The following TMEM272 variants were observed in gnomAD, a reference collection of about 807,000 sequenced individuals.
TMEM272 encodes long intergenic non-protein coding RNA 282.
TMEM272 carries 8 observed loss-of-function variants against 3.7 expected under a neutral mutation model. The ratio of observed to expected loss-of-function variants is 2.17; its 90% confidence interval spans 1.27 to 3.91. The LOEUF is 3.91. Among genes scored for constraint, TMEM272 ranks in the 30% most tolerant of loss-of-function variants. The probability of loss-of-function intolerance (pLI) is 0.00; values close to 1 mark genes in which losing one functional copy is unlikely to be tolerated. For missense variants in TMEM272, 166 were observed against 91.5 expected, an observed-to-expected ratio of 1.81 and a Z score of -3.32; for synonymous variants, 63 against 39.8, an observed-to-expected ratio of 1.58 and a Z score of -2.20.
chr13:51,931,733 A>T, the TMEM272 span, among the ~76,000 whole-genome samples: 12 of 152,306 alleles, frequency 7.9e-5, no homozygotes, highest in African/African-American at 2.9e-4. Context: ...CATGCACACA[A>T]CATGAAATTT....
chr13:51,851,138 C>A, the TMEM272 span, among the ~76,000 whole-genome samples: 3 of 152,036 alleles, frequency 2.0e-5, no homozygotes, highest in African/African-American at 7.2e-5. Context: ...AGTTTGAGAC[C>A]AGCTGGGCAA....
chr13:51,865,815 A>G, the TMEM272 span: 1 of 1,614,092 alleles, frequency 6.2e-7, no homozygotes, highest in African/African-American at 1.3e-5. Context: ...TGGGAAAGAG[A>G]CCGGAACCTT....
At chr13:51,826,709 C>T in intron 2 of TMEM272, 84 bp from the exon 3 acceptor site, 1 of 691,268 alleles carries the variant, frequency 1.4e-6, no homozygotes, top group South Asian at 1.5e-5. Context: ...CTTAAGCATC[C>T]TGTGAAACCT....
At chr13:51,931,060 C>T in the TMEM272 span, among the ~76,000 whole-genome samples, 6 of 152,060 alleles carry the variant, frequency 3.9e-5, no homozygotes, top group Admixed American at 2.0e-4. Context: ...ATTTGGAATG[C>T]TGTGATTTAT....
chr13:51,928,436 G>T, the TMEM272 span, among the ~76,000 whole-genome samples: 1 of 152,204 alleles, frequency 6.6e-6, no homozygotes, highest in Non-Finnish European at 1.5e-5. Flanking sequence ...CTGTGAGACA[G>T]GAACTATTAT....
chr13:51,882,503 GT>G, the TMEM272 span, among the ~76,000 whole-genome samples: 1 of 152,150 alleles, frequency 6.6e-6, no homozygotes, highest in Admixed American at 6.5e-5. Flanking sequence ...ATACCAAAGC[GT>G]GGTCACAATA....
At chr13:51,920,426 C>T in the TMEM272 span, among the ~76,000 whole-genome samples, 1 of 152,204 alleles carries the variant, frequency 6.6e-6, no homozygotes, top group African/African-American at 2.4e-5. Context: ...CACTCCCCTA[C>T]AATCCACTCA....
intron 1 of TMEM272, among the ~76,000 whole-genome samples, chr13:51,841,874 G>A (rs75834028): frequency 1.8e-4 from 28 of 152,276 alleles, no homozygotes; most frequent in Non-Finnish European, 3.7e-4. Context: ...ATTCTGTCAC[G>A]CCTTAAAGAA....
At chr13:51,878,922 C>T in the TMEM272 span, among the ~76,000 whole-genome samples, 1 of 152,168 alleles carries the variant, frequency 6.6e-6, no homozygotes, top group Admixed American at 6.5e-5. Flanking sequence ...CATGGTTTTG[C>T]TCTCAGTTCT....
chr13:51,862,003 T>G, the TMEM272 span: 1 of 152,264 alleles, frequency 6.6e-6, no homozygotes, highest in Non-Finnish European at 1.5e-5. Context: ...GAAGAGGAAC[T>G]CTTTCAAACC....
the TMEM272 span, among the ~76,000 whole-genome samples, chr13:51,923,369 G>C: frequency 4.6e-5 from 7 of 152,196 alleles, no homozygotes; most frequent in African/African-American, 1.7e-4. Context: ...GACCTGACAG[G>C]CTTCACTGCC....
chr13:51,839,800 C>T (rs1024839407), intron 1 of TMEM272, among the ~76,000 whole-genome samples: 1 of 152,214 alleles, frequency 6.6e-6, no homozygotes, highest in African/African-American at 2.4e-5. Flanking sequence ...CAGGCAGGAG[C>T]CATGCAGCCC....
the TMEM272 span, among the ~76,000 whole-genome samples, chr13:51,870,252 G>T: frequency 4.0e-5 from 6 of 151,654 alleles, no homozygotes; most frequent in African/African-American, 1.5e-4. Flanking sequence ...AAGTTCTTTG[G>T]TTTTTTTTGT....
chr13:51,847,819 CA>C (rs1262468117), upstream of TMEM272, among the ~76,000 whole-genome samples: 1 of 152,098 alleles, frequency 6.6e-6, no homozygotes, highest in Non-Finnish European at 1.5e-5. Context: ...TCAAAACAAA[CA>C]AAATTTCAGG....
chr13:51,872,553 A>C, the TMEM272 span, among the ~76,000 whole-genome samples: 56,842 of 152,062 alleles, frequency 0.37, 10,930 homozygotes, highest in African/African-American at 0.45. Context: ...GAAAGGGCTC[A>C]TGAGTGCCCA....
chr13:51,886,177 T>A, the TMEM272 span, among the ~76,000 whole-genome samples: 1 of 152,164 alleles, frequency 6.6e-6, no homozygotes, highest in Non-Finnish European at 1.5e-5. Flanking sequence ...GAGAAGAGAC[T>A]AAGATTAATG....
At chr13:51,838,914 A>C in intron 1 of TMEM272, among the ~76,000 whole-genome samples, 1 of 152,140 alleles carries the variant, frequency 6.6e-6, no homozygotes. Context: ...ATCCCACAAC[A>C]ATCCTATCTG....
the TMEM272 span, chr13:51,865,267 C>A: frequency 1.2e-6 from 1 of 827,160 alleles, no homozygotes; most frequent in Non-Finnish European, 1.9e-6. Flanking sequence ...TTCAGTAGTA[C>A]AGAACCAAGG....
chr13:51,849,791 C>T (rs1473550370), upstream of TMEM272, among the ~76,000 whole-genome samples: 1 of 152,152 alleles, frequency 6.6e-6, no homozygotes, highest in Non-Finnish European at 1.5e-5. Flanking sequence ...GCTCCAAGGC[C>T]GAGGGTCTAA....
Sources: allele counts gnomAD v4.1 joint callset (sites outside exome capture counted in the v4.1 genomes callset), GRCh38; gene constraint gnomAD v4.1.1; transcripts MANE v1.5; gene names NCBI Gene and HGNC (gene_info 2026-07-23, HGNC 2026-07-21).